RALYL: variants seen among roughly 807,000 people sequenced by gnomAD.
The protein encoded by RALYL is RALY RNA binding protein like.
A neutral mutation model predicts 35.1 loss-of-function variants in RALYL; 29 were observed. That is an observed-to-expected ratio of 0.83 (90% CI 0.61 to 1.13). The LOEUF is 1.13. Ranked by LOEUF, RALYL falls within the 50% of genes most tolerant of loss-of-function variation. The probability of loss-of-function intolerance (pLI) is 0.00; values close to 1 mark genes in which losing one functional copy is unlikely to be tolerated. For synonymous variants in RALYL, 120 were observed against 127.6 expected, an observed-to-expected ratio of 0.94 and a Z score of 0.40; for missense variants, 359 against 360.4, an observed-to-expected ratio of 1.00 and a Z score of 0.03.
chr8:84,873,095 A>G (rs1840517953), intron 6 of RALYL, 189 bp from the exon 7 acceptor site: 2 of 432,258 alleles, frequency 4.6e-6, no homozygotes, highest in Non-Finnish European at 8.3e-6. Context: ...GAGAATCCGT[A>G]TTTGTAATTG....
chr8:84,710,878 T>C (rs1221960976), intron 2 of RALYL, among the ~76,000 whole-genome samples: 1 of 152,154 alleles, frequency 6.6e-6, no homozygotes, highest in East Asian at 1.9e-4. Flanking sequence ...CAACATTTTA[T>C]TGAAGATAAG....
intron 1 of RALYL, among the ~76,000 whole-genome samples, chr8:84,274,069 T>C (rs548115869): frequency 6.6e-6 from 1 of 152,314 alleles, no homozygotes; most frequent in African/African-American, 2.4e-5. Context: ...ATTAACCTTT[T>C]GTGATGCCCC....
In RALYL at chr8:84,670,599, G is replaced by A. The variant is rs192401747; in HGVS notation, c.257-103980G>A. On this transcript the variant is annotated intron_variant, in intron 2 of 8. Coordinates refer to ENST00000521268, the MANE Select transcript of RALYL (RefSeq NM_173848.7). The stretch of plus-strand genomic sequence containing the variant: ...CCTCACAATCATGGTGGAAGGTGAA[G>A]GAGGAGCAAAGCTATGTTTTACATG... Among the ~76,000 whole-genome samples, 11 of 152,310 alleles carry A rather than the reference G, an allele frequency of 7.2e-5. No homozygotes were observed. The East Asian group carries it at 1.9e-3, about 27-fold the overall frequency.
chr8:84,861,067 T>A (rs1838006382), intron 5 of RALYL, among the ~76,000 whole-genome samples: 1 of 152,074 alleles, frequency 6.6e-6, no homozygotes, highest in South Asian at 2.1e-4. Flanking sequence ...TAGAACTTGT[T>A]TTTTTTATTT....
chr8:84,258,060 G>A (rs1831521473), intron 1 of RALYL, among the ~76,000 whole-genome samples: 1 of 152,142 alleles, frequency 6.6e-6, no homozygotes, highest in South Asian at 2.1e-4. Flanking sequence ...TAGACATACA[G>A]TTCTTGAACT....
chr8:84,864,717 T>TA (rs1233473582), intron 6 of RALYL: 4 of 560,138 alleles, frequency 7.1e-6, no homozygotes, highest in African/African-American at 1.9e-5. Context: ...CCCAGTAAGA[T>TA]ACTTGAGTCA....
intron 2 of RALYL, among the ~76,000 whole-genome samples, chr8:84,593,789 GA>G (rs1000653528): frequency 6.6e-6 from 1 of 151,936 alleles, no homozygotes; most frequent in African/African-American, 2.4e-5. Context: ...CCTTTGGTAC[GA>G]GATAAAACTT....
chr8:84,853,368 AGATG>A (rs1184364128), intron 5 of RALYL, among the ~76,000 whole-genome samples: 4 of 152,326 alleles, frequency 2.6e-5, no homozygotes, highest in Non-Finnish European at 4.4e-5. Context: ...GATAGGTGAT[AGATG>A]GATGGATGGA....
At chr8:84,782,017 C>T (rs1211475118) in intron 3 of RALYL, among the ~76,000 whole-genome samples, 1 of 136,746 alleles carries the variant, frequency 7.3e-6, no homozygotes, top group African/African-American at 2.8e-5. Flanking sequence ...TACGTGCATG[C>T]TGTGCACACG....
At chr8:84,310,850 G>A (rs369209249) in intron 1 of RALYL, among the ~76,000 whole-genome samples, 8,840 of 137,618 alleles carry the variant, frequency 0.064, 492 homozygotes, top group East Asian at 0.13. Flanking sequence ...GATCGAGACC[G>A]TCCTGGCTAA....
chr8:84,339,480 A>G (rs959484986), intron 1 of RALYL, among the ~76,000 whole-genome samples: 1 of 151,788 alleles, frequency 6.6e-6, no homozygotes, highest in African/African-American at 2.4e-5. Flanking sequence ...ATTGTCTCCC[A>G]GATGGGACCA....
intron 1 of RALYL, among the ~76,000 whole-genome samples, chr8:84,376,375 T>C (rs1342978110): frequency 6.6e-6 from 1 of 151,806 alleles, no homozygotes; most frequent in Admixed American, 6.6e-5. Context: ...TAAAATTGTA[T>C]AGAAGTTTTA....
At chr8:84,312,723 G>A (rs1028474682) in intron 1 of RALYL, among the ~76,000 whole-genome samples, 8 of 152,230 alleles carry the variant, frequency 5.3e-5, no homozygotes, top group Admixed American at 1.3e-4. Flanking sequence ...TGCCCCTGTG[G>A]CTCCAGAGTG....
intron 4 of RALYL, among the ~76,000 whole-genome samples, chr8:84,820,176 C>T (rs1332908842): frequency 6.6e-6 from 1 of 152,132 alleles, no homozygotes; most frequent in African/African-American, 2.4e-5. Context: ...TCTAAATAAT[C>T]TAACTGTACC....
intron 1 of RALYL, among the ~76,000 whole-genome samples, chr8:84,452,709 T>C (rs1364457244): frequency 6.6e-6 from 1 of 151,980 alleles, no homozygotes; most frequent in Non-Finnish European, 1.5e-5. Flanking sequence ...CATTGTTCAG[T>C]GAACATTGTT....
intron 1 of RALYL, among the ~76,000 whole-genome samples, chr8:84,385,978 A>C (rs187219994): frequency 3.6e-3 from 550 of 151,654 alleles, no homozygotes; most frequent in Non-Finnish European, 6.7e-3. Flanking sequence ...ATTATATTTC[A>C]CCCTGACAAC....
chr8:84,428,988 A>G (rs1239138875), intron 1 of RALYL, among the ~76,000 whole-genome samples: 1 of 152,164 alleles, frequency 6.6e-6, no homozygotes, highest in Non-Finnish European at 1.5e-5. Flanking sequence ...TTACTTACAC[A>G]TGGATGATTT....
chr8:84,375,069 T>C (rs1856647503), intron 1 of RALYL, among the ~76,000 whole-genome samples: 1 of 151,794 alleles, frequency 6.6e-6, no homozygotes, highest in Non-Finnish European at 1.5e-5. Flanking sequence ...TAGGTGTATA[T>C]ATTTAGGGGA....
chr8:84,396,365 CA>C (rs942520382), intron 1 of RALYL, among the ~76,000 whole-genome samples: 31 of 152,196 alleles, frequency 2.0e-4, no homozygotes, highest in African/African-American at 7.5e-4. Flanking sequence ...CATCAAATCT[CA>C]GGTCTGCATT....
Sources: gnomAD v4.1 joint callset for allele counts (sites outside exome capture counted in the v4.1 genomes callset) on GRCh38, gnomAD v4.1.1 for gene constraint, MANE v1.5 for transcripts, NCBI Gene and HGNC (gene_info 2026-07-23, HGNC 2026-07-21) for gene names.